The following ITGB5 variants were observed in gnomAD, a reference collection of about 807,000 sequenced individuals.
ITGB5 encodes integrin beta-5.
A neutral mutation model predicts 84.8 loss-of-function variants in ITGB5; 38 were observed. The ratio of observed to expected loss-of-function variants is 0.45; its 90% CI spans 0.35 to 0.59. The LOEUF (loss-of-function observed/expected upper bound fraction) is 0.59. ITGB5 is among the 20% of genes least tolerant of loss of function. ITGB5 has a pLI of 0.01. For synonymous variants in ITGB5, 393 were observed against 414.4 expected, an observed-to-expected ratio of 0.95 and a Z score of 0.63; for missense variants, 905 against 1,034.5, an observed-to-expected ratio of 0.87 and a Z score of 1.72.
intron 9 of ITGB5, among the ~76,000 whole-genome samples, chr3:124,807,995 T>C (rs535191383): frequency 3.0e-4 from 35 of 118,582 alleles, no homozygotes; most frequent in Non-Finnish European, 4.8e-4. Flanking sequence ...TATGTCTGTG[T>C]GTTGTGAAGT....
In ITGB5 at chr3:124,848,577, C is replaced by A. The variant is rs1342297250; in HGVS notation, c.362-19G>T. ...TTGTCACCTGCACCAACAGAGAGGC[C>A]ACGTGTGTTAGAGGTTGTGCAACCT... On this transcript the variant is annotated intron_variant, in intron 3 of 14. Coordinates refer to ENST00000296181, the MANE Select transcript of ITGB5 (RefSeq NM_002213.5). 29 of 1,603,412 alleles carry A rather than the reference C, an allele frequency of 1.8e-5. No homozygotes were observed. Among genetic ancestry groups the A allele is most frequent in the Non-Finnish European group, 2.4e-5 (28 of 1,176,578 alleles).
At chr3:124,869,081 A>T (rs993871880) in intron 2 of ITGB5, among the ~76,000 whole-genome samples, 1 of 152,178 alleles carries the variant, frequency 6.6e-6, no homozygotes, top group Admixed American at 6.5e-5. Context: ...GATCTGGAGC[A>T]GGAGAATCCC....
At chr3:124,867,561 A>G (rs1407221822) in intron 2 of ITGB5, among the ~76,000 whole-genome samples, 2 of 152,170 alleles carry the variant, frequency 1.3e-5, no homozygotes, top group Non-Finnish European at 2.9e-5. Context: ...GAGTGACACG[A>G]GCATAAGCTG....
chr3:124,891,713 C>T (rs938564526), upstream of ITGB5, among the ~76,000 whole-genome samples: 2 of 151,664 alleles, frequency 1.3e-5, no homozygotes, highest in South Asian at 2.1e-4. Flanking sequence ...TGCTTGAGCT[C>T]AGGGTTTGAG....
intron 10 of ITGB5, chr3:124,791,119 G>A (rs948416573): frequency 2.0e-5 from 3 of 152,198 alleles, no homozygotes; most frequent in Non-Finnish European, 4.4e-5. Flanking sequence ...CTCAAAGTTT[G>A]AGCAAGAATC....
chr3:124,881,570 T>C (rs567067480), intron 1 of ITGB5, among the ~76,000 whole-genome samples: 6 of 152,196 alleles, frequency 3.9e-5, no homozygotes, highest in Non-Finnish European at 7.3e-5. Context: ...TGTCACTTAT[T>C]GGTTATGTGA....
chr3:124,892,803 G>C (rs1048403966), intron 1 of ITGB5, among the ~76,000 whole-genome samples: 4 of 151,376 alleles, frequency 2.6e-5, no homozygotes, highest in Non-Finnish European at 5.9e-5. Flanking sequence ...TAAGTTTCCT[G>C]TTTCACAATT....
In ITGB5 at chr3:124,848,454, T is replaced by C. The variant is rs199657833; in HGVS notation, c.466A>G (p.Asn156Asp). ...LSLSMKDDLD[N>D]IRSLGTKLAE... is the part of the protein sequence containing the mutation. ...AGTTTGGTGCCCAGGCTCCGGATAT[T>C]GTCCAAGTCATCCTTCATGGACAGG... is the stretch of plus-strand genomic sequence containing the variant. The change falls in exon 4 of 15, where the codon AAT (asparagine) becomes GAT (aspartate). Residue 156 changes from asparagine to aspartate, a missense_variant. Transcript: ENST00000296181. The C allele has an allele frequency of 1.2e-6, 2 of 1,614,198 alleles. No homozygotes were observed. The highest frequency in any genetic ancestry group is 1.7e-6 in the Non-Finnish European group (2 of 1,180,038).
At chr3:124,840,255 C>A (rs940863543) in intron 5 of ITGB5, among the ~76,000 whole-genome samples, 8 of 152,176 alleles carry the variant, frequency 5.3e-5, no homozygotes, top group African/African-American at 1.7e-4. Context: ...TGACCCTGCC[C>A]TCACCAAATG....
At chr3:124,794,633 T>A (rs917551028) in intron 10 of ITGB5, among the ~76,000 whole-genome samples, 11 of 150,704 alleles carry the variant, frequency 7.3e-5, no homozygotes, top group Non-Finnish European at 7.4e-5. Context: ...AAAAAAAAAA[T>A]TTGCCAGGCG....
intron 8 of ITGB5, 176 bp from the exon 9 acceptor site, chr3:124,809,332 C>T: frequency 1.6e-6 from 1 of 620,994 alleles, no homozygotes; most frequent in Non-Finnish European, 2.8e-6. Flanking sequence ...TCTCTCTGCA[C>T]TCACACAACA....
chr3:124,851,400 A>T (rs2065151164), intron 3 of ITGB5, among the ~76,000 whole-genome samples: 2 of 152,200 alleles, frequency 1.3e-5, no homozygotes, highest in Admixed American at 1.3e-4. Context: ...TCCTGTGAGG[A>T]TAAAAAGAGA....
At chr3:124,834,446 G>A (rs914093632) in intron 5 of ITGB5, among the ~76,000 whole-genome samples, 7 of 144,172 alleles carry the variant, frequency 4.9e-5, no homozygotes, top group South Asian at 4.5e-4. Flanking sequence ...AAAGAAAGAA[G>A]GAAGGAAGGA....
chr3:124,844,497 T>A (rs576978673), intron 4 of ITGB5, among the ~76,000 whole-genome samples: 2 of 151,746 alleles, frequency 1.3e-5, no homozygotes, highest in Admixed American at 1.3e-4. Context: ...GAGGTGGAGG[T>A]TGCAGTGAGC....
At chr3:124,866,418 T>C (rs2065391161) in intron 2 of ITGB5, among the ~76,000 whole-genome samples, 1 of 152,202 alleles carries the variant, frequency 6.6e-6, no homozygotes, top group Non-Finnish European at 1.5e-5. Context: ...ATTATTTGAG[T>C]GCCATCCTGC....
At chr3:124,764,318 C>T (rs1306228238) in intron 14 of ITGB5, 73 bp downstream of exon 14, 8 of 1,488,588 alleles carry the variant, frequency 5.4e-6, no homozygotes, top group Non-Finnish European at 7.3e-6. Context: ...GCCTCTATTG[C>T]TAACATACCG....
intron 5 of ITGB5, among the ~76,000 whole-genome samples, chr3:124,830,246 C>T (rs1237516939): frequency 6.6e-6 from 1 of 152,204 alleles, no homozygotes; most frequent in Non-Finnish European, 1.5e-5. Context: ...AGAACAGCTT[C>T]CATCCTTCTC....
chr3:124,825,850 T>C (rs888023250), intron 5 of ITGB5, among the ~76,000 whole-genome samples: 1 of 152,214 alleles, frequency 6.6e-6, no homozygotes, highest in Admixed American at 6.5e-5. Context: ...GGGGAATCTA[T>C]CCACAAGAAG....
intron 8 of ITGB5, among the ~76,000 whole-genome samples, chr3:124,815,268 T>C (rs1270944424): frequency 6.6e-6 from 1 of 152,222 alleles, no homozygotes; most frequent in Non-Finnish European, 1.5e-5. Context: ...CAGCCAGGTC[T>C]ATGGAGCTGT....
Sources: gnomAD v4.1 joint callset for allele counts (sites outside exome capture counted in the v4.1 genomes callset) on GRCh38, gnomAD v4.1.1 for gene constraint, MANE v1.5 for transcripts, NCBI Gene and HGNC (gene_info 2026-07-23, HGNC 2026-07-21) for gene names.